The following SUMO3 variants were observed in gnomAD, a reference collection of about 807,000 sequenced individuals.
SUMO3 encodes the protein small ubiquitin like modifier 3, also known as small ubiquitin-related modifier 3.
A neutral mutation model predicts 11.1 loss-of-function variants in SUMO3; 2 were observed. That is an observed-to-expected ratio of 0.18 (90% confidence interval 0.07 to 0.57). The LOEUF is 0.57. SUMO3 is among the 20% of genes least tolerant of loss of function. SUMO3 has a pLI of 0.92. For synonymous variants in SUMO3, 56 were observed against 53.5 expected, an observed-to-expected ratio of 1.05 and a Z score of -0.20; for missense variants, 70 against 132.8, an observed-to-expected ratio of 0.53 and a Z score of 2.32.
intron 1 of SUMO3, among the ~76,000 whole-genome samples, chr21:44,817,673 C>A (rs1288174159): frequency 6.6e-6 from 1 of 150,676 alleles, no homozygotes; most frequent in African/African-American, 2.4e-5. Flanking sequence ...CTCAAGGAGG[C>A]GCTGGGCGCG....
At chr21:44,817,144 G>A (rs1409801064) in intron 1 of SUMO3, among the ~76,000 whole-genome samples, 1 of 139,856 alleles carries the variant, frequency 7.2e-6, no homozygotes, top group Non-Finnish European at 1.5e-5. Flanking sequence ...TGATGGGGAG[G>A]AGTGGGTACA....
chr21:44,813,724 C>T (rs2083226724), intron 2 of SUMO3: 2 of 1,251,766 alleles, frequency 1.6e-6, no homozygotes, highest in East Asian at 2.5e-5. Flanking sequence ...CGGGCAGCCG[C>T]CCTGTCAGGA....
At chr21:44,814,166 G>A (rs972480374) in intron 1 of SUMO3, 62 bp from the exon 2 acceptor site, 23 of 1,584,632 alleles carry the variant, frequency 1.5e-5, no homozygotes, top group Non-Finnish European at 1.8e-5. Context: ...GACTTGAATG[G>A]GCAAGTCTTT....
chr21:44,808,503 A>T (rs1400986474), intron 3 of SUMO3: 6 of 1,446,364 alleles, frequency 4.1e-6, no homozygotes, highest in Non-Finnish European at 4.6e-6. Context: ...CAACAAAGCG[A>T]GACTCCGTCT....
At position 44,807,176 on chromosome 21, in the gene SUMO3, C is replaced by T. The variant is rs981378897; in HGVS notation, c.223-136G>A. The T allele has an allele frequency of 3.7e-6, 4 of 1,074,546 alleles. No homozygotes were observed. The highest frequency in any genetic ancestry group is 4.0e-6 in the Non-Finnish European group (3 of 750,426). 66.6% of individuals were successfully genotyped at this position (1,074,546 alleles called of 1,614,324 possible). A position where few individuals can be genotyped will look rare whatever the true frequency, so the allele number is the denominator to read the frequency against. ...CACCTGGTCACACCTTGGCTCTTGT[C>T]CGTCCCCTCACTGCAGCTCAGCACG... On this transcript the variant is annotated intron_variant, in intron 3 of 3. Transcript: ENST00000332859. The surrounding 1 kb of genome is among the most constrained non-coding windows in gnomAD (Gnocchi z 4.3).
At chr21:44,808,711 C>A in intron 3 of SUMO3, 1 of 1,283,224 alleles carries the variant, frequency 7.8e-7, no homozygotes, top group Non-Finnish European at 1.0e-6. Flanking sequence ...AAGAATCCAG[C>A]TGGCCCCTAA....
chr21:44,806,946 G>A lies in SUMO3; in HGVS notation c.*5C>T. ...GATGGACGGCCCGGGCTGGGGACGG[G>A]CCCTCTAGAAACTGTGCCCTGCCAG... is the stretch of plus-strand genomic sequence containing the variant. On this transcript the variant is annotated 3_prime_UTR_variant, in exon 4 of 4. Coordinates refer to ENST00000332859, the MANE Select transcript of SUMO3 (RefSeq NM_006936.3). 2 of 1,614,018 alleles carry A rather than the reference G, an allele frequency of 1.2e-6. No homozygotes were observed. The highest frequency in any genetic ancestry group is 1.7e-6 in the Non-Finnish European group (2 of 1,180,004).
chr21:44,809,742 G>A (rs1381272518), intron 2 of SUMO3, among the ~76,000 whole-genome samples: 3 of 152,228 alleles, frequency 2.0e-5, no homozygotes, highest in South Asian at 2.1e-4. Context: ...TGATGTGCCA[G>A]GGGAGGGGAA....
At chr21:44,813,844 C>A in intron 2 of SUMO3, 132 bp downstream of exon 2, 1 of 1,559,626 alleles carries the variant, frequency 6.4e-7, no homozygotes, top group Non-Finnish European at 8.6e-7. Context: ...CCCGCCTGCC[C>A]ATCCACGAAG....
chr21:44,811,175 TACAC>T lies in SUMO3; in HGVS notation c.151-2061_151-2058del, dbSNP rs755058031. Among the ~76,000 whole-genome samples, 43 of 120,744 alleles carry T rather than the reference TACAC, an allele frequency of 3.6e-4. No individual in the cohort carries two copies. The highest frequency in any genetic ancestry group is 1.1e-3 in the African/African-American group (41 of 37,988). 79.2% of individuals were successfully genotyped at this position (120,744 alleles called of 152,430 possible). A position where few individuals can be genotyped will look rare whatever the true frequency, so the allele number is the denominator to read the frequency against. On this transcript the variant is annotated intron_variant, in intron 2 of 3. Transcript: ENST00000332859. This position sits in a 1 kb window ranked among gnomAD's most constrained non-coding sequence, Gnocchi z 5.0. ...ACACACACAGGCACACACCCACACA[TACAC>T]ACACATGCACAAAGACACGGACATA...
chr21:44,817,095 A>T (rs1442980939), intron 1 of SUMO3, among the ~76,000 whole-genome samples: 1 of 92,300 alleles, frequency 1.1e-5, no homozygotes, highest in Non-Finnish European at 2.1e-5. Flanking sequence ...CACACCAGGG[A>T]CGCGATGATG....
At chr21:44,815,780 C>T (rs2083240261) in intron 1 of SUMO3, among the ~76,000 whole-genome samples, 1 of 136,876 alleles carries the variant, frequency 7.3e-6, no homozygotes, top group Non-Finnish European at 1.6e-5. Flanking sequence ...GGGCCGGCCA[C>T]AGTGCCTCTG....
intron 2 of SUMO3, among the ~76,000 whole-genome samples, chr21:44,812,967 G>T (rs116062579): frequency 3.9e-5 from 6 of 152,212 alleles, no homozygotes; most frequent in Admixed American, 1.3e-4. Context: ...CGGGACCTGC[G>T]TGTCTGGAAG....
rs56230948 is a variant in SUMO3 at position 44,811,708 on chromosome 21, G to A, written c.150+2268C>T. 2.9e-4 allele frequency among the ~76,000 whole-genome samples: 44 copies of A among 152,202 alleles called. No homozygotes were observed. The highest frequency in any genetic ancestry group is 6.2e-4 in the Non-Finnish European group (42 of 68,000). The stretch of plus-strand genomic sequence containing the variant: ...AAAGATAAAGTTGAAATGACCTCCC[G>A]GAAAGAAGCCCAAATGCAACAATAA... On this transcript the variant is annotated intron_variant, in intron 2 of 3. Coordinates refer to ENST00000332859, the MANE Select transcript of SUMO3 (RefSeq NM_006936.3). The surrounding 1 kb of genome is among the most constrained non-coding windows in gnomAD (Gnocchi z 5.0).
chr21:44,813,854 G>C, intron 2 of SUMO3, 122 bp downstream of exon 2: 1 of 1,572,928 alleles, frequency 6.4e-7, no homozygotes, highest in Non-Finnish European at 8.6e-7. Flanking sequence ...CATCCACGAA[G>C]AGGGCACCTC....
chr21:44,815,276 G>T (rs2083236818), intron 1 of SUMO3, among the ~76,000 whole-genome samples: 1 of 152,152 alleles, frequency 6.6e-6, no homozygotes, highest in Non-Finnish European at 1.5e-5. Context: ...TTGCTTCCCT[G>T]GGGTATGCAC....
At chr21:44,813,867 G>C (rs1388012712) in intron 2 of SUMO3, 109 bp downstream of exon 2, 1 of 1,584,472 alleles carries the variant, frequency 6.3e-7, no homozygotes, top group East Asian at 2.3e-5. Flanking sequence ...GGCACCTCGG[G>C]CAGCTGCATC....
rs375578914 is a variant in SUMO3, at chr21:44,814,122, G to C, written c.22-18C>G. On this transcript the variant is annotated intron_variant, in intron 1 of 3. Coordinates refer to ENST00000332859, the MANE Select transcript of SUMO3 (RefSeq NM_006936.3). ...ACACCCTCCTGCAGAAGACACCAGA[G>C]ACTGGCCTCAAAACTGTGTCTCAAA... is the stretch of plus-strand genomic sequence containing the variant. 2 of 1,605,590 alleles carry C rather than the reference G, an allele frequency of 1.2e-6. No homozygotes were observed. The highest frequency in any genetic ancestry group is 1.7e-6 in the Non-Finnish European group (2 of 1,173,104).
chr21:44,806,733 A>T lies in SUMO3; in HGVS notation c.*218T>A. ...CCCACAATATCTTGCAACTCATTTT[A>T]CCTGAACAAAGATAACAATTCTGAT... On this transcript the variant is annotated 3_prime_UTR_variant, in exon 4 of 4. Transcript: ENST00000332859. The T allele has an allele frequency of 8.1e-7, 1 of 1,235,010 alleles. No individual in the cohort carries two copies. The allele number at this position is 1,235,010 out of a possible 1,614,324, so 76.5% of individuals were successfully genotyped here.
Sources: allele counts gnomAD v4.1 joint callset (sites outside exome capture counted in the v4.1 genomes callset), GRCh38; gene constraint gnomAD v4.1.1; non-coding constraint Gnocchi (gnomAD v3.1); transcripts MANE v1.5; gene names NCBI Gene and HGNC (gene_info 2026-07-23, HGNC 2026-07-21).